CDC42BPB: variants seen among roughly 807,000 people sequenced by gnomAD.
The protein encoded by CDC42BPB is CDC42 binding protein kinase beta, also known as serine/threonine-protein kinase MRCK beta.
A neutral mutation model predicts 214.9 loss-of-function variants in CDC42BPB; 37 were observed. The ratio of observed to expected loss-of-function variants is 0.17; its 90% confidence interval spans 0.13 to 0.23. The LOEUF is 0.23. Among genes scored for constraint, CDC42BPB ranks in the 10% least tolerant of loss-of-function variants. CDC42BPB has a pLI of 1.00. For missense variants in CDC42BPB, 1,694 were observed against 2,227.0 expected, an observed-to-expected ratio of 0.76 and a Z score of 4.82; for synonymous variants, 931 against 884.0, an observed-to-expected ratio of 1.05 and a Z score of -0.94.
intron 2 of CDC42BPB, among the ~76,000 whole-genome samples, chr14:103,009,898 C>T (rs994382177): frequency 3.9e-5 from 6 of 152,226 alleles, no homozygotes; most frequent in Non-Finnish European, 8.8e-5. Flanking sequence ...TCCCAGCACT[C>T]TTGAAGGTGG....
chr14:102,940,843 C>A, intron 30 of CDC42BPB: 1 of 176,440 alleles, frequency 5.7e-6, no homozygotes, highest in Non-Finnish European at 1.2e-5. Flanking sequence ...CCCCTAGGAA[C>A]CCGTGCTATG....
chr14:103,053,761 CA>C (rs1264978955), intron 1 of CDC42BPB, among the ~76,000 whole-genome samples: 754 of 73,904 alleles, frequency 0.01, 2 homozygotes, highest in East Asian at 0.027. Flanking sequence ...GACTCCGTCT[CA>C]AAAAAAAAAA....
intron 21 of CDC42BPB, 129 bp from the exon 22 acceptor site, chr14:102,954,817 T>C (rs1892644425): frequency 1.4e-6 from 2 of 1,455,258 alleles, no homozygotes; most frequent in Non-Finnish European, 1.8e-6. Context: ...TTCTTACTCC[T>C]GGATCCTATC....
chr14:102,966,188 T>C, intron 18 of CDC42BPB, 94 bp downstream of exon 18: 1 of 941,026 alleles, frequency 1.1e-6, no homozygotes, highest in Non-Finnish European at 1.7e-6. Flanking sequence ...TGCATCACTG[T>C]AATTCCCTAA....
intron 5 of CDC42BPB, among the ~76,000 whole-genome samples, chr14:102,996,818 A>AC (rs1418984159): frequency 6.6e-6 from 1 of 151,898 alleles, no homozygotes. Flanking sequence ...ATCTCAAAAA[A>AC]AAAAAAAAAC....
intron 5 of CDC42BPB, among the ~76,000 whole-genome samples, chr14:102,991,091 C>T (rs1229903949): frequency 6.6e-6 from 1 of 152,170 alleles, no homozygotes; most frequent in Non-Finnish European, 1.5e-5. Flanking sequence ...AGGATATTTG[C>T]ATGGTCTTAA....
chr14:102,970,166 C>A lies in CDC42BPB; in HGVS notation c.1980G>T (p.Glu660Asp). ...CCAGCACTACCTTGAGGGCCTCCAGCTCGCTTTCCATTTGCTTGCAGAAGT... is the reference window on the plus strand; with the variant it reads ...CCAGCACTACCTTGAGGGCCTCCAGATCGCTTTCCATTTGCTTGCAGAAGT... ...SENFCKQMESELEALKVKQGG... is the reference protein window; with the variant it reads ...SENFCKQMESDLEALKVKQGG... Residue 660 changes from glutamate to aspartate, a missense_variant, in exon 14 of 37, where the codon GAG (glutamate) becomes GAT (aspartate). Glu to Asp is a conservative substitution (Grantham distance 45, BLOSUM62 2). Transcript: ENST00000361246. 6.2e-7 allele frequency: 1 copy of A among 1,613,248 alleles called. No homozygotes were observed. Among genetic ancestry groups the A allele is most frequent in the Non-Finnish European group, 8.5e-7 (1 of 1,179,894 alleles).
At position 103,014,389 on chromosome 14, in the gene CDC42BPB, GT is replaced by G. The variant is rs558260822; in HGVS notation, c.176-2202del. Among the ~76,000 whole-genome samples the G allele has an allele frequency of 5.5e-4, 84 of 151,480 alleles. No homozygotes were observed. The South Asian group carries it at 0.017, about 31-fold the overall frequency. ...CCCAAATCTGCATGTTTTATGCTAGGTTTTTTTTTGTTCTATCTGGTTCTTT... is the reference window on the plus strand; with the variant it reads ...CCCAAATCTGCATGTTTTATGCTAGGTTTTTTTTGTTCTATCTGGTTCTTT... On this transcript the variant is annotated intron_variant, in intron 1 of 36. Transcript: ENST00000361246.
intron 21 of CDC42BPB, among the ~76,000 whole-genome samples, chr14:102,959,088 G>C (rs1892839716): frequency 6.6e-6 from 1 of 152,004 alleles, no homozygotes. Context: ...CCTGAGGTCA[G>C]GAGTTCGAGA....
At chr14:103,006,317 G>A (rs980679536) in intron 3 of CDC42BPB, among the ~76,000 whole-genome samples, 6 of 152,228 alleles carry the variant, frequency 3.9e-5, no homozygotes, top group Admixed American at 1.3e-4. Flanking sequence ...TCAGGAGGCC[G>A]GGGCTGCCCC....
chr14:102,964,048 T>C (rs994615768), intron 19 of CDC42BPB, among the ~76,000 whole-genome samples: 3 of 152,216 alleles, frequency 2.0e-5, no homozygotes, highest in Admixed American at 1.3e-4. Flanking sequence ...TTCTCGTTAC[T>C]GCTTGGAGTT....
intron 20 of CDC42BPB, among the ~76,000 whole-genome samples, chr14:102,960,752 A>G (rs917849914): frequency 9.2e-5 from 14 of 152,248 alleles, no homozygotes; most frequent in African/African-American, 3.4e-4. Context: ...ACCAGCAGGA[A>G]AAATAGCTTA....
chr14:102,941,430 T>C (rs1891883985), intron 30 of CDC42BPB: 1 of 985,334 alleles, frequency 1.0e-6, no homozygotes, highest in Non-Finnish European at 1.2e-6. Context: ...AAACAGGGTT[T>C]GCAAGAAAGA....
At chr14:103,027,319 T>C (rs58121364) in intron 1 of CDC42BPB, among the ~76,000 whole-genome samples, 12 of 152,332 alleles carry the variant, frequency 7.9e-5, no homozygotes, top group African/African-American at 2.9e-4. Flanking sequence ...CCCCTAGGTA[T>C]ATAAACAGGA....
chr14:102,968,189 A>G, intron 16 of CDC42BPB, 64 bp downstream of exon 16: 1 of 1,195,330 alleles, frequency 8.4e-7, no homozygotes, highest in South Asian at 1.3e-5. Context: ...CAAATTAAAA[A>G]TAATTTTTTT....
chr14:102,959,371 CT>C (rs1892855397), intron 21 of CDC42BPB, among the ~76,000 whole-genome samples: 1 of 151,866 alleles, frequency 6.6e-6, no homozygotes, highest in Non-Finnish European at 1.5e-5. Context: ...TGAGCACTTT[CT>C]TAATCTCATC....
chr14:102,968,412 G>C (rs985668803), intron 15 of CDC42BPB, 54 bp from the exon 16 acceptor site: 13 of 1,612,922 alleles, frequency 8.1e-6, no homozygotes, highest in Non-Finnish European at 3.4e-6. Context: ...ACTGATATTC[G>C]TATCTATGGC....
intron 5 of CDC42BPB, among the ~76,000 whole-genome samples, chr14:102,995,424 C>A (rs1242931462): frequency 6.6e-6 from 1 of 152,212 alleles, no homozygotes; most frequent in Non-Finnish European, 1.5e-5. Context: ...ATCCACCTGC[C>A]TAGGCCTCCC....
chr14:103,019,941 T>C (rs1886675707), intron 1 of CDC42BPB, among the ~76,000 whole-genome samples: 1 of 151,950 alleles, frequency 6.6e-6, no homozygotes, highest in South Asian at 2.1e-4. Context: ...GGAGGGAGGA[T>C]CTTTGTCTAA....
Sources: allele counts gnomAD v4.1 joint callset (sites outside exome capture counted in the v4.1 genomes callset), GRCh38; gene constraint gnomAD v4.1.1; transcripts MANE v1.5; gene names NCBI Gene and HGNC (gene_info 2026-07-23, HGNC 2026-07-21).